KIF13A: variants seen among roughly 807,000 people sequenced by gnomAD.
The protein encoded by KIF13A is kinesin-like protein KIF13A.
KIF13A carries 79 observed loss-of-function variants against 212.2 expected under a neutral mutation model. The observed-to-expected ratio is 0.37, with a 90% CI of 0.31 to 0.45. KIF13A has a LOEUF of 0.45. Ranked by LOEUF, KIF13A falls within the 20% of genes least tolerant of loss-of-function variation. The probability of loss-of-function intolerance (pLI) is 1.00; values close to 1 mark genes in which losing one functional copy is unlikely to be tolerated. For synonymous variants in KIF13A, 789 were observed against 808.6 expected (o/e 0.98, Z 0.41); for missense variants, 1,901 against 2,209.0 (o/e 0.86, Z 2.79).
chr6:17,873,458 T>C (rs1340938506), intron 3 of KIF13A, 21 bp from the exon 4 acceptor site: 2 of 1,506,278 alleles, frequency 1.3e-6, no homozygotes, highest in African/African-American at 1.4e-5. Flanking sequence ...GAACAAAATA[T>C]TAAACTTAAA....
intron 2 of KIF13A, among the ~76,000 whole-genome samples, chr6:17,953,091 C>T (rs1182479992): frequency 1.3e-5 from 2 of 151,940 alleles, no homozygotes; most frequent in African/African-American, 2.4e-5. Context: ...TCTAAATGTC[C>T]ATCATTAGGG....
chr6:17,797,880 A>G (rs940454766), intron 22 of KIF13A, among the ~76,000 whole-genome samples: 1 of 152,210 alleles, frequency 6.6e-6, no homozygotes, highest in African/African-American at 2.4e-5. Flanking sequence ...CCTGGGCAAC[A>G]GAGTGAGACA....
chr6:17,973,751 G>A (rs1449000083), intron 2 of KIF13A, among the ~76,000 whole-genome samples: 1 of 152,150 alleles, frequency 6.6e-6, no homozygotes, highest in South Asian at 2.1e-4. Flanking sequence ...ATGGCACCCA[G>A]ACGTCTCACA....
rs150699258 is a variant in KIF13A at position 17,869,814 on chromosome 6, G to GTC, written c.220+3561_220+3562dup. On this transcript the variant is annotated intron_variant, in intron 4 of 38. Coordinates refer to ENST00000259711, the MANE Select transcript of KIF13A (RefSeq NM_022113.6). Reference sequence around the variant, plus strand: ...TCAATCCATGCACTTATCTTTCTCTGTCTCTCTCCCTGCTACCCCCCAGTT... The same window carrying GTC: ...TCAATCCATGCACTTATCTTTCTCTGTCTCTCTCTCCCTGCTACCCCCCAGTT... Among the ~76,000 whole-genome samples the GTC allele has an allele frequency of 1.7e-3, 263 of 152,230 alleles. 1 individual carries two copies. The highest frequency in any genetic ancestry group is 6.3e-3 in the African/African-American group (260 of 41,540).
At chr6:17,877,695 C>T (rs768008278) in intron 3 of KIF13A, among the ~76,000 whole-genome samples, 8 of 147,786 alleles carry the variant, frequency 5.4e-5, no homozygotes, top group African/African-American at 7.5e-5. Context: ...GTATCTTTAC[C>T]GCTCTCCTTC....
chr6:17,854,515 CATAA>C lies in KIF13A; in HGVS notation c.494+918_494+921del, dbSNP rs1337348374. 3.4e-5 allele frequency among the ~76,000 whole-genome samples: 5 copies of C among 147,736 alleles called. No individual in the cohort carries two copies. The East Asian group carries it at 5.9e-4, about 18-fold the overall frequency. ...CACCTTACCTATTTTTCAAATTTTC[CATAA>C]ATAGATACTAGTTTTAAATCAGTAT... On this transcript the variant is annotated intron_variant, in intron 6 of 38. Coordinates refer to ENST00000259711, the MANE Select transcript of KIF13A (RefSeq NM_022113.6).
At chr6:17,923,535 G>GTT (rs777195596) in intron 2 of KIF13A, among the ~76,000 whole-genome samples, 29 of 142,908 alleles carry the variant, frequency 2.0e-4, no homozygotes, top group African/African-American at 2.8e-4. Context: ...CCTGGGTTTG[G>GTT]TTTTTTTTTT....
At position 17,796,723 on chromosome 6, in the gene KIF13A, C is replaced by T; in HGVS notation, c.2888G>A (p.Ser963Asn). ...AAGAGAATCGACCTCCCAGATGGAG[C>T]TGCCATTTCCAGCACACCGGTGGCC... ...VWGHRCAGNGSSIWEVDSLHA... is the reference protein window; with the variant it reads ...VWGHRCAGNGNSIWEVDSLHA... Residue 963 changes from serine to asparagine, a missense_variant, in exon 23 of 39, where the codon AGC (serine) becomes AAC (asparagine). Around this residue, in one of 5 missense-constraint regions of KIF13A, gnomAD observed 534 missense variants for 536.9 expected, o/e 0.99. Coordinates refer to ENST00000259711, the MANE Select transcript of KIF13A (RefSeq NM_022113.6). 1 of 1,592,994 alleles carries T rather than the reference C, an allele frequency of 6.3e-7. No homozygotes were observed. Among genetic ancestry groups the T allele is most frequent in the Non-Finnish European group, 8.6e-7 (1 of 1,168,872 alleles).
At position 17,763,940 on chromosome 6, in the gene KIF13A, A is replaced by G. The variant is rs1003942590; in HGVS notation, c.*170T>C. Reference sequence around the variant, plus strand: ...AATCCACTGGTCTTATAATTTCACAATTGCGTTCTAGTTCCCAAAACAGAC... The same window carrying G: ...AATCCACTGGTCTTATAATTTCACAGTTGCGTTCTAGTTCCCAAAACAGAC... On this transcript the variant is annotated 3_prime_UTR_variant, in exon 39 of 39. Coordinates refer to ENST00000259711, the MANE Select transcript of KIF13A (RefSeq NM_022113.6). The G allele has an allele frequency of 1.1e-4, 161 of 1,436,816 alleles. No homozygotes were observed. The highest frequency in any genetic ancestry group is 1.3e-4 in the Non-Finnish European group (144 of 1,099,386). 89.0% of individuals were successfully genotyped at this position (1,436,816 alleles called of 1,614,324 possible).
At chr6:17,866,651 G>A (rs547692954) in intron 4 of KIF13A, among the ~76,000 whole-genome samples, 1 of 151,816 alleles carries the variant, frequency 6.6e-6, no homozygotes, top group African/African-American at 2.4e-5. Context: ...TCAATGCTCA[G>A]GGTTGTACTA....
At chr6:17,859,620 T>TTATATATATATATATATATA (rs1355192834) in intron 4 of KIF13A, among the ~76,000 whole-genome samples, 11 of 131,544 alleles carry the variant, frequency 8.4e-5, no homozygotes, top group East Asian at 2.0e-4. Flanking sequence ...GCAATGTATT[T>TTATATATATATATATATATA]TATATATATA....
chr6:17,982,366 G>A lies in KIF13A; in HGVS notation c.146+4688C>T. 3 of 915,622 alleles carry A rather than the reference G, an allele frequency of 3.3e-6. No homozygotes were observed. Among genetic ancestry groups the A allele is most frequent in the South Asian group, 5.1e-5 (1 of 19,778 alleles). The allele number at this position is 915,622 out of a possible 1,614,324, so 56.7% of individuals were successfully genotyped here. On this transcript the variant is annotated intron_variant, in intron 2 of 38. Transcript: ENST00000259711. This position sits in a 1 kb window ranked among gnomAD's most constrained non-coding sequence, Gnocchi z 5.1. The stretch of plus-strand genomic sequence containing the variant: ...GCCTGCCTTGGCCTCCCAAAGTGCT[G>A]GGATTACAGATGTGAGCCACTGTGT...
chr6:17,794,495 A>G lies in KIF13A; in HGVS notation c.3075+77T>C. ...TTAGAGAATAAAGATACAAATAGTT[A>G]GAAAATCCCCAGAAACAATGTGTAA... On this transcript the variant is annotated intron_variant, in intron 24 of 38. Transcript: ENST00000259711. This position sits in a 1 kb window ranked among gnomAD's most constrained non-coding sequence, Gnocchi z 4.1. The G allele has an allele frequency of 3.2e-6, 5 of 1,558,052 alleles. No individual in the cohort carries two copies. The highest frequency in any genetic ancestry group is 4.3e-6 in the Non-Finnish European group (5 of 1,150,732).
At chr6:17,920,394 T>C (rs1774951865) in intron 2 of KIF13A, among the ~76,000 whole-genome samples, 1 of 152,204 alleles carries the variant, frequency 6.6e-6, no homozygotes, top group Non-Finnish European at 1.5e-5. Flanking sequence ...TCATTTTCAT[T>C]AGTGTTTCTA....
At chr6:17,788,523 G>T (rs1252715367) in intron 26 of KIF13A, among the ~76,000 whole-genome samples, 1 of 152,180 alleles carries the variant, frequency 6.6e-6, no homozygotes, top group Non-Finnish European at 1.5e-5. Context: ...GCCGCAGGAC[G>T]TTAGTCAATG....
rs151171435 is a variant in KIF13A at position 17,831,752 on chromosome 6, A to G, written c.1267-517T>C. ...TTCAGGGGCCAAGAACCCCTGGCAA[A>G]TATCAGAAAGCAGTGAGAGTTAAGG... On this transcript the variant is annotated intron_variant, in intron 12 of 38. Coordinates refer to ENST00000259711, the MANE Select transcript of KIF13A (RefSeq NM_022113.6). 7.0e-4 allele frequency among the ~76,000 whole-genome samples: 104 copies of G among 149,150 alleles called. 1 individual carries two copies. Among genetic ancestry groups the G allele is most frequent in the African/African-American group, 2.4e-3 (97 of 40,276 alleles).
At position 17,967,541 on chromosome 6, in the gene KIF13A, G is replaced by A. The variant is rs1007945859; in HGVS notation, c.146+19513C>T. Among the ~76,000 whole-genome samples the A allele has an allele frequency of 2.1e-4, 32 of 152,158 alleles. No homozygotes were observed. Among genetic ancestry groups the A allele is most frequent in the Admixed American group, 2.0e-4 (3 of 15,276 alleles). On this transcript the variant is annotated intron_variant, in intron 2 of 38. Coordinates refer to ENST00000259711, the MANE Select transcript of KIF13A (RefSeq NM_022113.6). The surrounding 1 kb of genome is among the most constrained non-coding windows in gnomAD (Gnocchi z 4.1). ...TTCTCTAGGGCAGAGAAAACTATCC[G>A]AAGTCTTTCTGGAAGACTGCACGTG...
chr6:17,827,658 G>A (rs1027992292), intron 14 of KIF13A, among the ~76,000 whole-genome samples: 1 of 151,916 alleles, frequency 6.6e-6, no homozygotes, highest in Admixed American at 6.6e-5. Flanking sequence ...GCTGGGACTA[G>A]AGGAATTGAA....
Position 17,826,714 on chromosome 6 carries a change from GA to G in KIF13A, c.1533-591del, listed in dbSNP as rs1373943505. Among the ~76,000 whole-genome samples, 2 of 152,072 alleles carry G rather than the reference GA, an allele frequency of 1.3e-5. No individual in the cohort carries two copies. Among genetic ancestry groups the G allele is most frequent in the African/African-American group, 4.8e-5 (2 of 41,398 alleles). ...TGGATCCTAATTTCAAGAAACAACT[GA>G]AAAAGAAAACTGATGAGACAACTGG... On this transcript the variant is annotated intron_variant, in intron 14 of 38. Transcript: ENST00000259711. The surrounding 1 kb of genome is among the most constrained non-coding windows in gnomAD (Gnocchi z 4.7).
Sources: allele counts gnomAD v4.1 joint callset (sites outside exome capture counted in the v4.1 genomes callset), GRCh38; gene constraint gnomAD v4.1.1; regional missense constraint gnomAD v4.1.1; non-coding constraint Gnocchi (gnomAD v3.1); transcripts MANE v1.5; gene names NCBI Gene and HGNC (gene_info 2026-07-23, HGNC 2026-07-21).